ULK4: variants seen among roughly 807,000 people sequenced by gnomAD.
ULK4 encodes the protein unc-51 like kinase 4, also known as inactive serine/threonine-protein kinase ULK4.
A neutral mutation model predicts 160.6 loss-of-function variants in ULK4; 133 were observed. The ratio of observed to expected loss-of-function variants is 0.83; its 90% CI spans 0.72 to 0.96. The LOEUF is 0.96. Ranked by LOEUF, ULK4 falls within the 40% of genes least tolerant of loss-of-function variation. ULK4 has a pLI of 0.00. For synonymous variants in ULK4, 534 were observed against 539.8 expected (o/e 0.99, Z 0.15); for missense variants, 1,580 against 1,499.5 (o/e 1.05, Z -0.89).
intron 34 of ULK4, among the ~76,000 whole-genome samples, chr3:41,430,979 T>C (rs2082890117): frequency 6.6e-6 from 1 of 152,218 alleles, no homozygotes; most frequent in South Asian, 2.1e-4. Flanking sequence ...GTCCCACTTC[T>C]AAAGACACCT....
chr3:41,763,239 C>A (rs1369535228), intron 21 of ULK4, among the ~76,000 whole-genome samples: 1 of 151,936 alleles, frequency 6.6e-6, no homozygotes, highest in African/African-American at 2.4e-5. Context: ...AATAAAAATA[C>A]ACGAATTAAA....
intron 31 of ULK4, among the ~76,000 whole-genome samples, chr3:41,589,064 A>G (rs2031052407): frequency 6.6e-6 from 1 of 152,132 alleles, no homozygotes; most frequent in African/African-American, 2.4e-5. Flanking sequence ...ATGAGGGATT[A>G]AGAGGATATG....
chr3:41,314,626 T>A (rs1470038710), intron 35 of ULK4, among the ~76,000 whole-genome samples: 1 of 152,206 alleles, frequency 6.6e-6, no homozygotes, highest in East Asian at 1.9e-4. Context: ...TCCAAACAAA[T>A]AATGGTAGTG....
At chr3:41,522,691 C>T (rs1336774199) in intron 32 of ULK4, among the ~76,000 whole-genome samples, 3 of 152,132 alleles carry the variant, frequency 2.0e-5, no homozygotes, top group African/African-American at 4.8e-5. Flanking sequence ...TATGACAGAA[C>T]TGAAAATGAA....
chr3:41,439,988 T>C (rs9836254), intron 34 of ULK4, among the ~76,000 whole-genome samples: 46,307 of 151,966 alleles, frequency 0.3, 7,177 homozygotes, highest in African/African-American at 0.33. Context: ...GCATTACTTA[T>C]TTCAATTTCA....
At chr3:41,579,492 T>A (rs1225730312) in intron 31 of ULK4, among the ~76,000 whole-genome samples, 1 of 138,132 alleles carries the variant, frequency 7.2e-6, no homozygotes, top group African/African-American at 2.8e-5. Flanking sequence ...AATATTTTTT[T>A]TTTTTTTTTT....
chr3:41,781,639 T>C (rs981854945), intron 21 of ULK4, among the ~76,000 whole-genome samples: 1 of 152,116 alleles, frequency 6.6e-6, no homozygotes. Flanking sequence ...GGAATATAAA[T>C]GAAACAAAAC....
At chr3:41,875,015 A>C (rs1485504009) in intron 17 of ULK4, among the ~76,000 whole-genome samples, 2 of 152,120 alleles carry the variant, frequency 1.3e-5, no homozygotes, top group Admixed American at 6.6e-5. Flanking sequence ...CTCTACTAAA[A>C]GTAAAAATTA....
chr3:41,488,992 C>G (rs1246251710), intron 32 of ULK4, among the ~76,000 whole-genome samples: 9 of 152,066 alleles, frequency 5.9e-5, no homozygotes, highest in Non-Finnish European at 1.2e-4. Flanking sequence ...TGGTGAGCAC[C>G]CCTCCCACTG....
chr3:41,910,736 T>C (rs547586762), intron 11 of ULK4, among the ~76,000 whole-genome samples: 12 of 152,208 alleles, frequency 7.9e-5, no homozygotes, highest in East Asian at 1.9e-4. Context: ...ACTGGGTGCA[T>C]TGGCAGGCAG....
intron 30 of ULK4, among the ~76,000 whole-genome samples, chr3:41,638,648 T>C (rs945131761): frequency 2.6e-5 from 4 of 152,266 alleles, no homozygotes; most frequent in African/African-American, 7.2e-5. Context: ...CTGGCAGCTC[T>C]TGTGCTCTTT....
intron 31 of ULK4, 93 bp from the exon 32 acceptor site, chr3:41,566,223 C>A: frequency 9.8e-7 from 1 of 1,020,086 alleles, no homozygotes; most frequent in South Asian, 1.5e-5. Context: ...CTGCTTCATT[C>A]TTTGCACAAG....
chr3:41,837,381 CTACT>C (rs909337648), intron 17 of ULK4, among the ~76,000 whole-genome samples: 66 of 152,176 alleles, frequency 4.3e-4, no homozygotes, highest in Non-Finnish European at 1.5e-4. Flanking sequence ...TCCCTCTTTC[CTACT>C]TACTTCTTTC....
intron 27 of ULK4, among the ~76,000 whole-genome samples, chr3:41,685,380 A>G (rs1188746549): frequency 6.6e-6 from 1 of 152,184 alleles, no homozygotes; most frequent in Non-Finnish European, 1.5e-5. Context: ...GCATTCTTTA[A>G]TACATTCCCA....
chr3:41,385,976 G>A (rs530768493), intron 35 of ULK4, among the ~76,000 whole-genome samples: 1 of 152,162 alleles, frequency 6.6e-6, no homozygotes, highest in South Asian at 2.1e-4. Flanking sequence ...TTTCCAAATC[G>A]CAAGCCTGGA....
At chr3:41,431,355 A>AAATAATAATAATAAT (rs57010705) in intron 34 of ULK4, among the ~76,000 whole-genome samples, 1 of 139,124 alleles carries the variant, frequency 7.2e-6, no homozygotes, top group Non-Finnish European at 1.5e-5. Context: ...ACACACACAC[A>AAATAATAATAATAAT]AATAATAATA....
Position 41,368,962 on chromosome 3 carries a change from C to G in ULK4, c.3678+29117G>C, listed in dbSNP as rs145217087. 1.3e-5 allele frequency among the ~76,000 whole-genome samples: 2 copies of G among 152,246 alleles called. 1 individual carries two copies. Among genetic ancestry groups the G allele is most frequent in the East Asian group, 3.9e-4 (2 of 5,180 alleles). On this transcript the variant is annotated intron_variant, in intron 35 of 36. Coordinates refer to ENST00000301831, the MANE Select transcript of ULK4 (RefSeq NM_017886.4). ...TTCATTCATTTATACCCGCTTTGCT[C>G]CTACCTAGAGCATATGGTTCTCTTA...
intron 30 of ULK4, among the ~76,000 whole-genome samples, chr3:41,632,909 A>G (rs2033805341): frequency 6.6e-6 from 1 of 152,176 alleles, no homozygotes; most frequent in African/African-American, 2.4e-5. Flanking sequence ...CCTGAGGTTC[A>G]GCAAAGGAGC....
intron 12 of ULK4, among the ~76,000 whole-genome samples, chr3:41,902,662 T>C (rs1698417942): frequency 5.6e-5 from 8 of 143,012 alleles, no homozygotes; most frequent in Admixed American, 4.9e-4. Context: ...TTTAAGAACA[T>C]GGACTTTCAA....
Sources: gnomAD v4.1 joint callset for allele counts (sites outside exome capture counted in the v4.1 genomes callset) on GRCh38, gnomAD v4.1.1 for gene constraint, MANE v1.5 for transcripts, NCBI Gene and HGNC (gene_info 2026-07-23, HGNC 2026-07-21) for gene names.